Variants in CTCF observed in about 807,000 individuals in gnomAD.
CTCF encodes the protein CCCTC-binding factor.
CTCF carries 7 observed loss-of-function variants against 72.3 expected under a neutral mutation model. The observed-to-expected ratio is 0.10, with a 90% confidence interval of 0.06 to 0.18. CTCF has a LOEUF of 0.18. Among genes scored for constraint, CTCF ranks in the 10% least tolerant of loss-of-function variants. The probability of loss-of-function intolerance (pLI) is 1.00; values close to 1 mark genes in which losing one functional copy is unlikely to be tolerated. For missense variants in CTCF, 516 were observed against 949.1 expected, an observed-to-expected ratio of 0.54 and a Z score of 6.00; for synonymous variants, 374 against 315.8, an observed-to-expected ratio of 1.18 and a Z score of -1.95.
At chr16:67,602,287 A>T (rs546972696) in intron 2 of CTCF, among the ~76,000 whole-genome samples, 2 of 152,312 alleles carry the variant, frequency 1.3e-5, no homozygotes, top group African/African-American at 4.8e-5. Context: ...GGAGACCCCA[A>T]AGATTGTTTT....
intron 1 of CTCF, among the ~76,000 whole-genome samples, chr16:67,569,149 CACTT>C (rs1285001167): frequency 6.8e-6 from 1 of 146,390 alleles, no homozygotes; most frequent in African/African-American, 2.5e-5. Context: ...TATTTGGAAA[CACTT>C]AGTTCAAATT....
intron 1 of CTCF, among the ~76,000 whole-genome samples, chr16:67,566,515 TAAA>T (rs377253111): frequency 2.1e-4 from 16 of 76,272 alleles, no homozygotes; most frequent in African/African-American, 4.9e-4. Flanking sequence ...GTCTCAAAAT[TAAA>T]AAAAAAAAAA....
At chr16:67,585,658 T>A (rs570410124) in intron 2 of CTCF, among the ~76,000 whole-genome samples, 1 of 152,206 alleles carries the variant, frequency 6.6e-6, no homozygotes, top group African/African-American at 2.4e-5. Context: ...ACTTTTTGTT[T>A]ATTTGCTTAA....
chr16:67,585,283 CAT>C (rs2051654694), intron 2 of CTCF, among the ~76,000 whole-genome samples: 1 of 152,182 alleles, frequency 6.6e-6, no homozygotes, highest in Admixed American at 6.6e-5. Context: ...CTCCTGACCT[CAT>C]GTGATCCACC....
At chr16:67,584,740 A>AT (rs1371575040) in intron 2 of CTCF, among the ~76,000 whole-genome samples, 1 of 152,166 alleles carries the variant, frequency 6.6e-6, no homozygotes, top group African/African-American at 2.4e-5. Flanking sequence ...CCAAAAGAAA[A>AT]TTTAAGTCAT....
rs182146991 is a variant in CTCF, at chr16:67,638,398, G to A, written c.*526G>A. ...TCCTGAAAGCTTTGCCTCTTTCTTG[G>A]CAAAGTTTCTGGTATGGTCAAGCTT... On this transcript the variant is annotated 3_prime_UTR_variant, in exon 12 of 12. Transcript: ENST00000264010. 256 of 225,590 alleles carry A rather than the reference G, an allele frequency of 1.1e-3. No homozygotes were observed. The highest frequency in any genetic ancestry group is 1.6e-3 in the Non-Finnish European group (184 of 113,244). The allele number at this position is 225,590 out of a possible 1,614,324, so 14.0% of individuals were successfully genotyped here. A position where few individuals can be genotyped will look rare whatever the true frequency, so the allele number is the denominator to read the frequency against.
intron 1 of CTCF, among the ~76,000 whole-genome samples, chr16:67,567,196 A>G (rs947953130): frequency 8.5e-5 from 13 of 152,128 alleles, no homozygotes; most frequent in Non-Finnish European, 1.0e-4. Flanking sequence ...CTTTCCTGCT[A>G]GTATCTTTGT....
chr16:67,613,857 A>T (rs182229352), intron 4 of CTCF, among the ~76,000 whole-genome samples: 1 of 152,142 alleles, frequency 6.6e-6, no homozygotes, highest in Non-Finnish European at 1.5e-5. Flanking sequence ...GGCATTCTCT[A>T]TCTGGTCTTC....
At chr16:67,600,737 A>G (rs1021163058) in intron 2 of CTCF, among the ~76,000 whole-genome samples, 1 of 152,156 alleles carries the variant, frequency 6.6e-6, no homozygotes, top group Non-Finnish European at 1.5e-5. Flanking sequence ...AATTCCATAT[A>G]TAGTATGATT....
At chr16:67,600,964 C>CA (rs1479820620) in intron 2 of CTCF, among the ~76,000 whole-genome samples, 1 of 151,774 alleles carries the variant, frequency 6.6e-6, no homozygotes, top group African/African-American at 2.4e-5. Flanking sequence ...AGCATAGAGC[C>CA]AAAAAATATG....
At chr16:67,598,028 GT>G (rs1173111736) in intron 2 of CTCF, among the ~76,000 whole-genome samples, 5 of 152,056 alleles carry the variant, frequency 3.3e-5, no homozygotes, top group Non-Finnish European at 7.4e-5. Context: ...CCAGGCCAGA[GT>G]GCAGAGGCAT....
At position 67,562,612 on chromosome 16, in the gene CTCF, G is replaced by GGCA. The variant is rs1190468418; in HGVS notation, c.-236_-234dup. The GGCA allele has an allele frequency of 2.0e-5, 3 of 152,786 alleles. No individual in the cohort carries two copies. Among genetic ancestry groups the GGCA allele is most frequent in the Admixed American group, 1.3e-4 (2 of 15,222 alleles). The allele number at this position is 152,786 out of a possible 1,614,324, so 9.5% of individuals were successfully genotyped here. A position where few individuals can be genotyped will look rare whatever the true frequency, so the allele number is the denominator to read the frequency against. On this transcript the variant is annotated 5_prime_UTR_variant, in exon 1 of 12. Transcript: ENST00000264010. ...CCGTGCGCGGAGCTGCTTCTTTGGC[G>GGCA]GCAGCGGCGGCGGCGGTGGCCGGTG...
intron 2 of CTCF, among the ~76,000 whole-genome samples, chr16:67,575,555 C>T (rs2051484587): frequency 6.6e-6 from 1 of 152,084 alleles, no homozygotes; most frequent in African/African-American, 2.4e-5. Context: ...ACCGATTCTC[C>T]TGCCTCAGCC....
chr16:67,602,225 T>G (rs2051901770), intron 2 of CTCF, among the ~76,000 whole-genome samples: 1 of 152,134 alleles, frequency 6.6e-6, no homozygotes, highest in Non-Finnish European at 1.5e-5. Flanking sequence ...CAGATAGAAT[T>G]TTTTTCCGTT....
chr16:67,576,944 G>C (rs60853042), intron 2 of CTCF, among the ~76,000 whole-genome samples: 2 of 152,126 alleles, frequency 1.3e-5, no homozygotes, highest in Non-Finnish European at 2.9e-5. Flanking sequence ...GTATGATCTC[G>C]TGAGAGTAAG....
intron 10 of CTCF, among the ~76,000 whole-genome samples, chr16:67,630,979 C>T (rs995327099): frequency 6.6e-6 from 1 of 152,026 alleles, no homozygotes; most frequent in Admixed American, 6.6e-5. Context: ...ATGGACTTCC[C>T]AGAAGCACCA....
chr16:67,576,816 C>A (rs2051504290), intron 2 of CTCF, among the ~76,000 whole-genome samples: 1 of 152,066 alleles, frequency 6.6e-6, no homozygotes, highest in East Asian at 1.9e-4. Flanking sequence ...AGGCGTGAGC[C>A]ACCGTGCCTG....
intron 2 of CTCF, among the ~76,000 whole-genome samples, chr16:67,589,446 C>T (rs959745356): frequency 3.9e-5 from 6 of 152,154 alleles, no homozygotes; most frequent in African/African-American, 1.4e-4. Flanking sequence ...TGTAGTTTGT[C>T]AGGCAAGGTC....
intron 2 of CTCF, among the ~76,000 whole-genome samples, chr16:67,574,593 C>T (rs1243438413): frequency 9.3e-5 from 14 of 150,832 alleles, no homozygotes; most frequent in African/African-American, 2.7e-4. Context: ...CCACCCAGTT[C>T]GGCCTCCCAA....
Sources: gnomAD v4.1 joint callset for allele counts (sites outside exome capture counted in the v4.1 genomes callset) on GRCh38, gnomAD v4.1.1 for gene constraint, MANE v1.5 for transcripts, NCBI Gene and HGNC (gene_info 2026-07-23, HGNC 2026-07-21) for gene names.